The following BCL3 variants were observed in gnomAD, a reference collection of about 807,000 sequenced individuals.
BCL3 encodes the protein BCL3 transcription coactivator.
A neutral mutation model predicts 35.7 loss-of-function variants in BCL3; 15 were observed. The ratio of observed to expected loss-of-function variants is 0.42; its 90% CI spans 0.28 to 0.65. The LOEUF is 0.65. Among genes scored for constraint, BCL3 ranks in the 30% least tolerant of loss-of-function variants. The pLI is 0.22. For missense variants in BCL3, 565 were observed against 641.7 expected, an observed-to-expected ratio of 0.88 and a Z score of 1.29; for synonymous variants, 311 against 284.3, an observed-to-expected ratio of 1.09 and a Z score of -0.95.
At position 44,757,291 on chromosome 19, in the gene BCL3, C is replaced by T; in HGVS notation, c.725-36C>T. 1 of 1,574,724 alleles carries T rather than the reference C, an allele frequency of 6.4e-7. No homozygotes were observed. The highest frequency in any genetic ancestry group is 1.8e-5 in the Admixed American group (1 of 55,146). ...GGAGTCCATCAGCGGCCGCAAAGCC[C>T]GGGCCTAGGTTTCACCGAGCCCTCC... On this transcript the variant is annotated intron_variant, in intron 4 of 8. Transcript: ENST00000164227. The surrounding 1 kb of genome is among the most constrained non-coding windows in gnomAD (Gnocchi z 8.4).
chr19:44,759,312 G>A (rs1433755131), intron 8 of BCL3, 116 bp from the exon 9 acceptor site: 65 of 516,140 alleles, frequency 1.3e-4, no homozygotes, highest in Non-Finnish European at 1.7e-4. Flanking sequence ...TCCTCCCTCA[G>A]ACCCGAGTCC....
chr19:44,758,969 T>C, intron 8 of BCL3, 128 bp downstream of exon 8: 2 of 740,738 alleles, frequency 2.7e-6, no homozygotes, highest in Non-Finnish European at 4.1e-6. Context: ...GACCCAGGAA[T>C]CCCAACCCAT....
Position 44,759,558 on chromosome 19 carries a change from G to A in BCL3, c.1308G>A (p.Gly436=). The A allele has an allele frequency of 1.2e-6, 2 of 1,611,918 alleles. No individual in the cohort carries two copies. Among genetic ancestry groups the A allele is most frequent in the Non-Finnish European group, 1.7e-6 (2 of 1,179,542 alleles). The change falls in exon 9 of 9, where the codon GGG becomes GGA. Residue 436 remains glycine (G), a synonymous_variant. Coordinates refer to ENST00000164227, the MANE Select transcript of BCL3 (RefSeq NM_005178.5). ...CACCCGCCTTCCTGCCCTTTGCTGGGGTCCTCCGAGGCCCTGGCCGGCCGG... is the reference window on the plus strand; with the variant it reads ...CACCCGCCTTCCTGCCCTTTGCTGGAGTCCTCCGAGGCCCTGGCCGGCCGG... ...PSPPAFLPFA[G]VLRGPGRPVP...
intron 2 of BCL3, among the ~76,000 whole-genome samples, chr19:44,752,614 G>GTTTA (rs900941706): frequency 9.9e-5 from 15 of 152,156 alleles, no homozygotes; most frequent in African/African-American, 3.4e-4. Flanking sequence ...AACCCCCATG[G>GTTTA]TTTATCACCT....
chr19:44,748,298 G>A (rs1285358091), upstream of BCL3, among the ~76,000 whole-genome samples: 1 of 152,206 alleles, frequency 6.6e-6, no homozygotes, highest in Non-Finnish European at 1.5e-5. Flanking sequence ...GGGTTGCGGA[G>A]AGAAACACCT....
upstream of BCL3, chr19:44,748,095 A>G: frequency 1.5e-6 from 2 of 1,335,110 alleles, no homozygotes; most frequent in Non-Finnish European, 2.0e-6. Context: ...AACGGCTCAG[A>G]GAGGGGAAGT....
intron 2 of BCL3, among the ~76,000 whole-genome samples, chr19:44,752,970 C>T (rs2078038640): frequency 6.6e-6 from 1 of 152,192 alleles, no homozygotes; most frequent in Non-Finnish European, 1.5e-5. Context: ...CCGCCACTGG[C>T]CCACTGAGTG....
upstream of BCL3, chr19:44,748,632 GGGGGGGCCGGGGGC>G: frequency 3.4e-6 from 3 of 893,600 alleles, no homozygotes; most frequent in Non-Finnish European, 4.1e-6. Context: ...GGGTGGCCCC[GGGGGGGCCGGGGGC>G]GGGGAGGCGG....
intron 2 of BCL3, among the ~76,000 whole-genome samples, chr19:44,752,960 C>G (rs956397873): frequency 6.6e-6 from 1 of 152,192 alleles, no homozygotes; most frequent in Non-Finnish European, 1.5e-5. Context: ...GAGGGCTGCT[C>G]CGCCACTGGC....
rs1263286784 is a variant in BCL3, at chr19:44,757,059, G to A, written c.562G>A (p.Val188Ile). ...LAVITTLPSV[V>I]RLLVTAGASP... The stretch of plus-strand genomic sequence containing the variant: ...TGTGATCACCACATTACCGTCTGTG[G>A]TCCGGCTCCTGGTGACAGCTGGTGC... The change falls in exon 4 of 9, where the codon GTC becomes ATC. Residue 188 changes from valine (V) to isoleucine (I), a missense_variant. Val to Ile is a conservative substitution (Grantham distance 29). Around this residue, in one of 5 missense-constraint regions of BCL3, gnomAD observed 267 missense variants for 281.5 expected, o/e 0.95. Transcript: ENST00000164227. This position sits in a 1 kb window ranked among gnomAD's most constrained non-coding sequence, Gnocchi z 8.4. The A allele has an allele frequency of 1.2e-6, 2 of 1,611,230 alleles. No homozygotes were observed. Among genetic ancestry groups the A allele is most frequent in the Non-Finnish European group, 1.7e-6 (2 of 1,179,080 alleles).
chr19:44,759,843 G>C lies in BCL3; in HGVS notation c.*228G>C, dbSNP rs1967392820. 2.2e-6 allele frequency: 1 copy of C among 456,326 alleles called. No homozygotes were observed. The highest frequency in any genetic ancestry group is 3.8e-6 in the Non-Finnish European group (1 of 261,006). 28.3% of individuals were successfully genotyped at this position (456,326 alleles called of 1,614,324 possible). A position where few individuals can be genotyped will look rare whatever the true frequency, so the allele number is the denominator to read the frequency against. On this transcript the variant is annotated 3_prime_UTR_variant, in exon 9 of 9. Transcript: ENST00000164227. ...CTGACCCCAGCATTCTCAGGCACCA[G>C]TCCCTGTCCGGAATGCCACCCACAT...
intron 1 of BCL3, among the ~76,000 whole-genome samples, 162 bp downstream of exon 1, chr19:44,749,208 G>A (rs945644847): frequency 2.6e-5 from 4 of 151,752 alleles, no homozygotes; most frequent in Admixed American, 1.3e-4. Flanking sequence ...TGAGATCATC[G>A]GGGAGCCAGT....
chr19:44,747,846 G>A (rs968582107), upstream of BCL3: 8 of 1,144,836 alleles, frequency 7.0e-6, no homozygotes, highest in Non-Finnish European at 6.5e-6. Context: ...AGGATTTTCC[G>A]AGCACCCACC....
At position 44,748,955 on chromosome 19, in the gene BCL3, C is replaced by G; in HGVS notation, c.165C>G (p.Val55=). 7.9e-7 allele frequency: 1 copy of G among 1,272,728 alleles called. No homozygotes were observed. Among genetic ancestry groups the G allele is most frequent in the Non-Finnish European group, 9.9e-7 (1 of 1,006,564 alleles). 78.8% of individuals were successfully genotyped at this position (1,272,728 alleles called of 1,614,324 possible). Residue 55 remains valine (V), a synonymous_variant, in exon 1 of 9, where the codon GTC becomes GTG. Coordinates refer to ENST00000164227, the MANE Select transcript of BCL3 (RefSeq NM_005178.5). ...AAPRGAAGLV[V]PLDPLRGGCD... is the part of the protein sequence containing the mutation. Reference sequence around the variant, plus strand: ...CCCGCGGCGCTGCGGGCCTTGTCGTCCCCCTGGACCCTCTGCGCGGCGGCT... The same window carrying G: ...CCCGCGGCGCTGCGGGCCTTGTCGTGCCCCTGGACCCTCTGCGCGGCGGCT...
chr19:44,756,725 G>C lies in BCL3; in HGVS notation c.520-292G>C, dbSNP rs557699299. ...TGGGGAAGAAGGGCTCTGGGGCCTC[G>C]GACTGGTTGTTCCTGAGAGGGAGGG... is the stretch of plus-strand genomic sequence containing the variant. On this transcript the variant is annotated intron_variant, in intron 3 of 8. Coordinates refer to ENST00000164227, the MANE Select transcript of BCL3 (RefSeq NM_005178.5). 2.2e-4 allele frequency among the ~76,000 whole-genome samples: 34 copies of C among 151,138 alleles called. No individual in the cohort carries two copies. The South Asian group carries it at 6.5e-3, about 29-fold the overall frequency.
rs1266449019 is a variant in BCL3, at chr19:44,757,427, C to G, written c.813+12C>G. ...ACATCGACGCAGTGGTGAGCGTGCACTAGGAGCTGGGAGGGAGCGGGGCCT... is the reference window on the plus strand; with the variant it reads ...ACATCGACGCAGTGGTGAGCGTGCAGTAGGAGCTGGGAGGGAGCGGGGCCT... On this transcript the variant is annotated intron_variant, in intron 5 of 8. Transcript: ENST00000164227. This position sits in a 1 kb window ranked among gnomAD's most constrained non-coding sequence, Gnocchi z 8.4. 2 of 1,571,876 alleles carry G rather than the reference C, an allele frequency of 1.3e-6. No individual in the cohort carries two copies. The highest frequency in any genetic ancestry group is 2.7e-5 in the African/African-American group (2 of 72,840).
chr19:44,759,674 C>A lies in BCL3; in HGVS notation c.*59C>A. On this transcript the variant is annotated 3_prime_UTR_variant, in exon 9 of 9. Coordinates refer to ENST00000164227, the MANE Select transcript of BCL3 (RefSeq NM_005178.5). The stretch of plus-strand genomic sequence containing the variant: ...GAGGGGCCCCCCTGCCCTGTGGGGT[C>A]AACCCTTCTGGAAACTGTGAAGATC... 5 of 1,245,772 alleles carry A rather than the reference C, an allele frequency of 4.0e-6. No homozygotes were observed. The highest frequency in any genetic ancestry group is 2.5e-5 in the East Asian group (1 of 39,790). 77.2% of individuals were successfully genotyped at this position (1,245,772 alleles called of 1,614,324 possible). A position where few individuals can be genotyped will look rare whatever the true frequency, so the allele number is the denominator to read the frequency against.
At chr19:44,749,071 C>T (rs1176160843) in intron 1 of BCL3, 25 bp downstream of exon 1, 5 of 1,249,224 alleles carry the variant, frequency 4.0e-6, no homozygotes, top group Admixed American at 4.1e-5. Context: ...AGGGTCCGGG[C>T]CGGGTGGGAT....
At chr19:44,747,851 C>T, upstream of BCL3, 1 of 1,152,280 alleles carries the variant, frequency 8.7e-7, no homozygotes, top group Admixed American at 4.4e-5. Flanking sequence ...TTTCCGAGCA[C>T]CCACCCCGGT....
Sources: allele counts gnomAD v4.1 joint callset (sites outside exome capture counted in the v4.1 genomes callset), GRCh38; gene constraint gnomAD v4.1.1; regional missense constraint gnomAD v4.1.1; non-coding constraint Gnocchi (gnomAD v3.1); transcripts MANE v1.5; gene names NCBI Gene and HGNC (gene_info 2026-07-23, HGNC 2026-07-21).